The following CADM2 variants were observed in gnomAD, a reference collection of about 807,000 sequenced individuals.
The protein encoded by CADM2 is cell adhesion molecule 2.
CADM2 carries 12 observed loss-of-function variants against 49.8 expected under a neutral mutation model. The observed-to-expected ratio is 0.24, with a 90% CI of 0.15 to 0.39. The LOEUF (loss-of-function observed/expected upper bound fraction) is 0.39, where lower values mean the gene tolerates loss of function less well. CADM2 is among the 10% of genes least tolerant of loss of function. CADM2 has a pLI of 1.00. For synonymous variants in CADM2, 214 were observed against 175.4 expected (o/e 1.22, Z -1.74); for missense variants, 378 against 492.3 (o/e 0.77, Z 2.20).
At chr3:85,897,241 C>CTTTTTTTTTTTTTTTTTT (rs752550127) in intron 5 of CADM2, among the ~76,000 whole-genome samples, 2 of 45,900 alleles carry the variant, frequency 4.4e-5, no homozygotes, top group African/African-American at 1.3e-4. Context: ...TAACCTACAT[C>CTTTTTTTTTTTTTTTTTT]TTTTTTTTTT....
chr3:85,284,774 C>G (rs4263304), intron 1 of CADM2, among the ~76,000 whole-genome samples: 1 of 151,868 alleles, frequency 6.6e-6, no homozygotes, highest in Non-Finnish European at 1.5e-5. Flanking sequence ...TTTGTAGGAC[C>G]TTGTAGGCTA....
At chr3:86,037,931 T>A (rs944962456) in intron 8 of CADM2, among the ~76,000 whole-genome samples, 1 of 152,122 alleles carries the variant, frequency 6.6e-6, no homozygotes, top group African/African-American at 2.4e-5. Context: ...CACCCATCAC[T>A]TAGGTTTTAA....
chr3:85,121,605 A>G (rs1239511329), intron 1 of CADM2, among the ~76,000 whole-genome samples: 1 of 152,234 alleles, frequency 6.6e-6, no homozygotes, highest in Non-Finnish European at 1.5e-5. Flanking sequence ...GCAAAGGACA[A>G]GAGATACATC....
chr3:85,870,005 A>G (rs1188328214), intron 3 of CADM2, among the ~76,000 whole-genome samples: 2 of 152,172 alleles, frequency 1.3e-5, no homozygotes, highest in African/African-American at 2.4e-5. Flanking sequence ...CTTCTCGAAT[A>G]TAATCTACCA....
At chr3:85,522,282 A>G (rs2106904241) in intron 1 of CADM2, among the ~76,000 whole-genome samples, 1 of 152,280 alleles carries the variant, frequency 6.6e-6, no homozygotes, top group East Asian at 1.9e-4. Flanking sequence ...TACTTTGAAA[A>G]TAATCTGAAA....
At chr3:85,335,055 A>T (rs1002977851) in intron 1 of CADM2, among the ~76,000 whole-genome samples, 5 of 151,526 alleles carry the variant, frequency 3.3e-5, no homozygotes, top group African/African-American at 1.2e-4. Flanking sequence ...GATATACTAA[A>T]AAAAAAGATA....
intron 1 of CADM2, among the ~76,000 whole-genome samples, chr3:85,076,029 TC>T (rs1428572586): frequency 6.6e-6 from 1 of 151,520 alleles, no homozygotes; most frequent in African/African-American, 2.4e-5. Flanking sequence ...CAACTGTATA[TC>T]TTTTAGAAGA....
At chr3:85,347,868 C>T (rs1230509825) in intron 1 of CADM2, among the ~76,000 whole-genome samples, 7 of 150,930 alleles carry the variant, frequency 4.6e-5, no homozygotes, top group Admixed American at 6.6e-5. Flanking sequence ...AGTGCAGTGG[C>T]ACGATCTCCG....
chr3:85,223,426 C>T (rs1453663868), intron 1 of CADM2, among the ~76,000 whole-genome samples: 1 of 152,086 alleles, frequency 6.6e-6, no homozygotes, highest in Non-Finnish European at 1.5e-5. Flanking sequence ...GAAGCCCGCA[C>T]TTGAATATCC....
intron 1 of CADM2, among the ~76,000 whole-genome samples, chr3:85,498,925 T>A (rs1185160659): frequency 6.6e-6 from 1 of 152,146 alleles, no homozygotes; most frequent in Non-Finnish European, 1.5e-5. Flanking sequence ...GAGTCCAGTA[T>A]GTGAATAAAT....
intron 1 of CADM2, among the ~76,000 whole-genome samples, chr3:85,255,650 C>A (rs925614053): frequency 6.6e-6 from 1 of 152,040 alleles, no homozygotes; most frequent in Admixed American, 6.6e-5. Context: ...GCATTAAGCA[C>A]TAAATATGGA....
intron 1 of CADM2, among the ~76,000 whole-genome samples, chr3:84,999,172 G>A (rs566443053): frequency 2.3e-4 from 35 of 152,212 alleles, no homozygotes; most frequent in African/African-American, 7.9e-4. Context: ...GCTTTATGTA[G>A]GGAATATAGT....
chr3:85,164,748 T>A (rs1468518888), intron 1 of CADM2, among the ~76,000 whole-genome samples: 1 of 152,060 alleles, frequency 6.6e-6, no homozygotes, highest in Non-Finnish European at 1.5e-5. Flanking sequence ...GGAGTTTGTC[T>A]TTCACATGCT....
intron 1 of CADM2, among the ~76,000 whole-genome samples, chr3:85,028,076 T>A (rs1005036625): frequency 6.6e-6 from 1 of 152,332 alleles, no homozygotes; most frequent in East Asian, 1.9e-4. Flanking sequence ...TCATAGGATA[T>A]GTGAGGCGTT....
chr3:85,164,906 G>A (rs979510739), intron 1 of CADM2, among the ~76,000 whole-genome samples: 1 of 151,668 alleles, frequency 6.6e-6, no homozygotes, highest in Non-Finnish European at 1.5e-5. Context: ...GAACAATCAA[G>A]AAATTATTTG....
intron 1 of CADM2, among the ~76,000 whole-genome samples, chr3:85,374,001 A>T (rs1435784978): frequency 6.6e-6 from 1 of 151,876 alleles, no homozygotes; most frequent in Admixed American, 6.6e-5. Flanking sequence ...TTTCCCCATT[A>T]CCTTGGTGAT....
chr3:85,079,515 T>A (rs926798374), intron 1 of CADM2, among the ~76,000 whole-genome samples: 7 of 151,884 alleles, frequency 4.6e-5, no homozygotes, highest in African/African-American at 1.7e-4. Flanking sequence ...AATATTGATG[T>A]TCACAATGAG....
At position 85,355,401 on chromosome 3, in the gene CADM2, G is replaced by A. The variant is rs565146052; in HGVS notation, c.62-371121G>A. Among the ~76,000 whole-genome samples the A allele has an allele frequency of 4.6e-5, 7 of 152,188 alleles. No individual in the cohort carries two copies. In the South Asian group the frequency reaches 8.3e-4, roughly 18 times the overall value. On this transcript the variant is annotated intron_variant, in intron 1 of 9. Transcript: ENST00000383699. ...GAACTCAATTTTTAAGGTTACTCTA[G>A]GTCCCCTTGGCTTAGAGACTTAGGG...
chr3:85,110,509 G>C (rs1414254576), intron 1 of CADM2, among the ~76,000 whole-genome samples: 1 of 151,610 alleles, frequency 6.6e-6, no homozygotes. Flanking sequence ...GGATCCTCAG[G>C]ATAAAAAATG....
Sources: gnomAD v4.1 joint callset for allele counts (sites outside exome capture counted in the v4.1 genomes callset) on GRCh38, gnomAD v4.1.1 for gene constraint, MANE v1.5 for transcripts, NCBI Gene and HGNC (gene_info 2026-07-23, HGNC 2026-07-21) for gene names.